The following ELF2 variants were observed in gnomAD, a reference collection of about 807,000 sequenced individuals.
ELF2 encodes E74 like ETS transcription factor 2.
A neutral mutation model predicts 54.8 loss-of-function variants in ELF2; 11 were observed. The observed-to-expected ratio is 0.20, with a 90% CI of 0.13 to 0.33. ELF2 has a LOEUF of 0.33. ELF2 is among the 10% of genes least tolerant of loss of function. The pLI is 1.00. For missense variants in ELF2, 513 were observed against 703.0 expected (o/e 0.73, Z 3.06); for synonymous variants, 203 against 245.1 (o/e 0.83, Z 1.61).
rs1560855225 is a variant in ELF2 at position 139,137,654 on chromosome 4, G to A, written c.48C>T (p.Ser16=). 3 of 1,613,974 alleles carry A rather than the reference G, an allele frequency of 1.9e-6. No individual in the cohort carries two copies. The highest frequency in any genetic ancestry group is 1.1e-5 in the South Asian group (1 of 91,082). Reference sequence around the variant, plus strand: ...CCTCTTGATTTTCTACTCCATTGCTGGAAAGCTCCAAAATAGTACCTCCAC... The same window carrying A: ...CCTCTTGATTTTCTACTCCATTGCTAGAAAGCTCCAAAATAGTACCTCCAC... ...VDSGGTILEL[S]SNGVENQEES... The change falls in exon 3 of 10, where the codon TCC becomes TCT. Residue 16 remains serine, a synonymous_variant. Transcript: ENST00000686138.
chr4:139,177,572 G>C (rs1042040837), upstream of ELF2, among the ~76,000 whole-genome samples: 40 of 152,156 alleles, frequency 2.6e-4, no homozygotes, highest in Middle Eastern at 3.4e-3. Context: ...TCACTTGTCC[G>C]GCTCCTTGCC....
At chr4:139,135,237 ATGTGTGTGTGTGTGTGTGTG>A (rs61122327) in intron 3 of ELF2, among the ~76,000 whole-genome samples, 3 of 112,396 alleles carry the variant, frequency 2.7e-5, no homozygotes, top group African/African-American at 9.1e-5. Context: ...TACTATATAT[ATGTGTGTGTGTGTGTGTGTG>A]TGTGTGTGTG....
At chr4:139,172,378 CATG>C (rs1742395585) in intron 1 of ELF2, among the ~76,000 whole-genome samples, 1 of 152,214 alleles carries the variant, frequency 6.6e-6, no homozygotes, top group African/African-American at 2.4e-5. Context: ...TTCTGAGCAG[CATG>C]ATGAAACCTC....
chr4:139,175,091 C>G (rs956760862), intron 1 of ELF2, among the ~76,000 whole-genome samples: 1 of 152,200 alleles, frequency 6.6e-6, no homozygotes, highest in Non-Finnish European at 1.5e-5. Flanking sequence ...CCAAACTGTA[C>G]ACTTTAAACT....
At chr4:139,100,042 G>A (rs907181980) in intron 4 of ELF2, among the ~76,000 whole-genome samples, 18 of 152,164 alleles carry the variant, frequency 1.2e-4, no homozygotes, top group Admixed American at 1.2e-3. Context: ...GGAGCACTGT[G>A]ATTACAATAA....
chr4:139,166,792 C>T (rs906855066), intron 1 of ELF2, among the ~76,000 whole-genome samples: 26 of 152,166 alleles, frequency 1.7e-4, no homozygotes, highest in African/African-American at 6.3e-4. Flanking sequence ...GGCGTGAACC[C>T]AGGAGGCAGA....
chr4:139,174,814 T>C (rs1224799907), intron 1 of ELF2, among the ~76,000 whole-genome samples: 5 of 152,212 alleles, frequency 3.3e-5, no homozygotes, highest in Admixed American at 3.3e-4. Context: ...AGACAGGATT[T>C]TGCTCTGTCA....
intron 4 of ELF2, chr4:139,084,367 C>A (rs1731675384): frequency 6.8e-7 from 1 of 1,477,038 alleles, no homozygotes; most frequent in Non-Finnish European, 9.0e-7. Context: ...GAAGCCGAGG[C>A]CGGCCCGCCT....
At chr4:139,087,489 A>G (rs997530798) in intron 4 of ELF2, among the ~76,000 whole-genome samples, 1 of 152,166 alleles carries the variant, frequency 6.6e-6, no homozygotes, top group Non-Finnish European at 1.5e-5. Flanking sequence ...GTTTTGAGAC[A>G]GAGTCTCGCT....
At chr4:139,067,903 G>A (rs368629234) in intron 6 of ELF2, 133 bp from the exon 7 acceptor site, 78 of 827,912 alleles carry the variant, frequency 9.4e-5, no homozygotes, top group African/African-American at 6.1e-4. Context: ...TCTATGAAAA[G>A]CTGCTTCTAA....
chr4:139,164,657 A>T (rs1741545194), intron 1 of ELF2, among the ~76,000 whole-genome samples: 1 of 152,086 alleles, frequency 6.6e-6, no homozygotes, highest in African/African-American at 2.4e-5. Context: ...CAAATATCTA[A>T]AATTTTGGTC....
chr4:139,171,180 G>A (rs937410068), intron 1 of ELF2, among the ~76,000 whole-genome samples: 20 of 152,136 alleles, frequency 1.3e-4, no homozygotes, highest in African/African-American at 4.6e-4. Context: ...TTGAGCCCAG[G>A]GGTTCAAGAG....
chr4:139,064,932 A>C (rs1728465842), intron 7 of ELF2, among the ~76,000 whole-genome samples: 1 of 152,172 alleles, frequency 6.6e-6, no homozygotes, highest in Non-Finnish European at 1.5e-5. Context: ...TTAACTTTAC[A>C]AAGTTACATT....
At position 139,137,720 on chromosome 4, in the gene ELF2, C is replaced by A; in HGVS notation, c.-19G>T. ...ATGTCATTGTTATTCCCTGAGGAAG[C>A]TTCAAACGCTATTAATCAATGAAAT... On this transcript the variant is annotated 5_prime_UTR_variant, in exon 3 of 10. Transcript: ENST00000686138. The A allele has an allele frequency of 1.9e-6, 3 of 1,613,628 alleles. No homozygotes were observed. Among genetic ancestry groups the A allele is most frequent in the Non-Finnish European group, 2.5e-6 (3 of 1,179,922 alleles).
chr4:139,146,718 C>T (rs532992362), intron 1 of ELF2, among the ~76,000 whole-genome samples: 1 of 152,000 alleles, frequency 6.6e-6, no homozygotes, highest in African/African-American at 2.4e-5. Flanking sequence ...GAAATAAAAC[C>T]AAATATCCAC....
chr4:139,060,857 A>T (rs926645613), intron 8 of ELF2, among the ~76,000 whole-genome samples, 183 bp from the exon 9 acceptor site: 1 of 152,252 alleles, frequency 6.6e-6, no homozygotes, highest in African/African-American at 2.4e-5. Context: ...TTAGAGTAGG[A>T]ATCAAGTTGG....
chr4:139,153,788 T>A (rs1416508477), intron 1 of ELF2, among the ~76,000 whole-genome samples: 2 of 152,190 alleles, frequency 1.3e-5, no homozygotes, highest in African/African-American at 4.8e-5. Context: ...AAGGCATACT[T>A]GACTGATTCC....
chr4:139,122,758 C>A (rs1736513852), intron 4 of ELF2, among the ~76,000 whole-genome samples: 1 of 151,594 alleles, frequency 6.6e-6, no homozygotes, highest in Non-Finnish European at 1.5e-5. Context: ...ACCTCGGCCT[C>A]CCAAAGTGCT....
chr4:139,109,741 C>CA (rs1734772753), intron 4 of ELF2, among the ~76,000 whole-genome samples: 1 of 152,206 alleles, frequency 6.6e-6, no homozygotes, highest in Non-Finnish European at 1.5e-5. Context: ...CCAAATATCA[C>CA]ACTTACAAGT....
Sources: allele counts gnomAD v4.1 joint callset (sites outside exome capture counted in the v4.1 genomes callset), GRCh38; gene constraint gnomAD v4.1.1; transcripts MANE v1.5; gene names NCBI Gene and HGNC (gene_info 2026-07-23, HGNC 2026-07-21).